CDYL: variants seen among roughly 807,000 people sequenced by gnomAD.
The protein encoded by CDYL is chromodomain Y like.
Under a neutral mutation model 47.3 loss-of-function variants are expected in CDYL, and 8 were observed. The ratio of observed to expected loss-of-function variants is 0.17; its 90% CI spans 0.10 to 0.31. The LOEUF is 0.31. CDYL is among the 10% of genes least tolerant of loss of function. The probability of loss-of-function intolerance (pLI) is 1.00; values close to 1 mark genes in which losing one functional copy is unlikely to be tolerated. For missense variants in CDYL, 471 were observed against 701.4 expected (o/e 0.67, Z 3.71); for synonymous variants, 266 against 265.0 (o/e 1.00, Z -0.04).
In CDYL at chr6:4,885,830, G is replaced by A. The variant is rs115394506; in HGVS notation, c.25-5883G>A. ...TGTTAGCATATACAGTTTTGTGTCC[G>A]TCACCACAGTTGAGTTTTGTACATT... On this transcript the variant is annotated intron_variant, in intron 1 of 6. Coordinates refer to ENST00000397588, the MANE Select transcript of CDYL (RefSeq NM_004824.4). Among the ~76,000 whole-genome samples, 1,291 of 152,070 alleles carry A rather than the reference G, an allele frequency of 8.5e-3. 21 individuals are homozygous for A. Among genetic ancestry groups the A allele is most frequent in the African/African-American group, 0.03 (1,236 of 41,468 alleles).
chr6:4,800,453 T>C (rs1234443215), intron 1 of CDYL, among the ~76,000 whole-genome samples: 1 of 152,176 alleles, frequency 6.6e-6, no homozygotes, highest in Non-Finnish European at 1.5e-5. Context: ...AGTGTTGTAT[T>C]TTTTGCTTTA....
chr6:4,873,197 G>T (rs2127474206), intron 1 of CDYL, among the ~76,000 whole-genome samples: 1 of 152,220 alleles, frequency 6.6e-6, no homozygotes, highest in South Asian at 2.1e-4. Flanking sequence ...CTAGCAATAG[G>T]ACTTGTCGGT....
At chr6:4,833,168 G>A (rs1369871792) in intron 1 of CDYL, among the ~76,000 whole-genome samples, 3 of 144,572 alleles carry the variant, frequency 2.1e-5, no homozygotes, top group Admixed American at 2.0e-4. Flanking sequence ...TGATGTTAGA[G>A]TGTCAATTTT....
At chr6:4,947,488 C>T (rs928691353) in intron 5 of CDYL, among the ~76,000 whole-genome samples, 1 of 152,154 alleles carries the variant, frequency 6.6e-6, no homozygotes, top group Non-Finnish European at 1.5e-5. Context: ...GCCTCTTGCT[C>T]CCGGCTGCCC....
intron 2 of CDYL, among the ~76,000 whole-genome samples, chr6:4,728,809 G>T (rs763737452): frequency 6.8e-4 from 104 of 152,116 alleles, no homozygotes; most frequent in Non-Finnish European, 1.4e-3. Flanking sequence ...TTGCCATATT[G>T]TGCCCACTCC....
chr6:4,818,643 ATAT>A (rs1759739559), intron 1 of CDYL, among the ~76,000 whole-genome samples: 1 of 152,138 alleles, frequency 6.6e-6, no homozygotes, highest in Non-Finnish European at 1.5e-5. Context: ...TTTCCTACTC[ATAT>A]TATGCTTATC....
chr6:4,836,287 A>G (rs1408057885), intron 1 of CDYL: 4 of 984,218 alleles, frequency 4.1e-6, no homozygotes, highest in Admixed American at 6.2e-5. Context: ...TAAAGAAGAA[A>G]AAAGTTGCAT....
chr6:4,767,352 A>G (rs552454333), intron 3 of CDYL, among the ~76,000 whole-genome samples: 1 of 152,266 alleles, frequency 6.6e-6, no homozygotes, highest in Admixed American at 6.5e-5. Context: ...AGGCAGGTGG[A>G]TCACGAGCTC....
At chr6:4,752,809 A>G (rs921321234) in intron 3 of CDYL, among the ~76,000 whole-genome samples, 1 of 149,338 alleles carries the variant, frequency 6.7e-6, no homozygotes, top group Non-Finnish European at 1.5e-5. Flanking sequence ...GCAATGGAAA[A>G]GTCTTTCATG....
intron 3 of CDYL, among the ~76,000 whole-genome samples, chr6:4,767,538 A>G (rs143761531): frequency 6.6e-6 from 1 of 151,070 alleles, no homozygotes; most frequent in East Asian, 2.0e-4. Context: ...GTGCCACTGC[A>G]CTCCAGCCTG....
At chr6:4,911,125 C>T (rs986087960) in intron 2 of CDYL, among the ~76,000 whole-genome samples, 4 of 152,030 alleles carry the variant, frequency 2.6e-5, no homozygotes, top group South Asian at 2.1e-4. Context: ...TGCGCCCAGC[C>T]GAAAAAGGAT....
At chr6:4,920,835 C>G (rs141988123) in intron 2 of CDYL, among the ~76,000 whole-genome samples, 144 of 152,334 alleles carry the variant, frequency 9.5e-4, no homozygotes, top group African/African-American at 3.3e-3. Context: ...AGACTGGTCT[C>G]AGACTCCTGA....
chr6:4,907,260 C>T (rs1757267220), intron 2 of CDYL, among the ~76,000 whole-genome samples: 1 of 152,210 alleles, frequency 6.6e-6, no homozygotes, highest in East Asian at 1.9e-4. Flanking sequence ...CACCCTGCTG[C>T]AGTTTTAGCC....
chr6:4,892,562 A>ATTT, intron 2 of CDYL, among the ~76,000 whole-genome samples, 183 bp downstream of exon 2: 1 of 152,310 alleles, frequency 6.6e-6, no homozygotes, highest in South Asian at 2.1e-4. Context: ...TAATTCGGCA[A>ATTT]CTAGTTTTTT....
chr6:4,861,602 C>G (rs776488092), intron 1 of CDYL, among the ~76,000 whole-genome samples: 1 of 152,188 alleles, frequency 6.6e-6, no homozygotes, highest in South Asian at 2.1e-4. Flanking sequence ...ATGTCTAAGG[C>G]TATGTTTTCA....
At chr6:4,717,776 G>GT (rs1333454840) in intron 2 of CDYL, among the ~76,000 whole-genome samples, 13 of 145,606 alleles carry the variant, frequency 8.9e-5, no homozygotes, top group Non-Finnish European at 1.7e-4. Flanking sequence ...GTTTTGTTAG[G>GT]TTTTTTTGGT....
In CDYL at chr6:4,937,506, T is replaced by A. The variant is rs201627282; in HGVS notation, c.949-59T>A. The A allele has an allele frequency of 3.1e-6, 4 of 1,306,056 alleles. No homozygotes were observed. In the East Asian group the frequency reaches 1.2e-4, roughly 38 times the overall value. The allele number at this position is 1,306,056 out of a possible 1,614,324, so 80.9% of individuals were successfully genotyped here. A position where few individuals can be genotyped will look rare whatever the true frequency, so the allele number is the denominator to read the frequency against. ...GTGAGACTCTCTCCAAAAAAAAAAA[T>A]GCTTTAAGATTTTAAACCCAAAATA... On this transcript the variant is annotated intron_variant, in intron 3 of 6. Transcript: ENST00000397588.
chr6:4,821,969 T>TA (rs1471427576), intron 1 of CDYL, among the ~76,000 whole-genome samples: 1 of 151,964 alleles, frequency 6.6e-6, no homozygotes, highest in Non-Finnish European at 1.5e-5. Flanking sequence ...TAAATCAGCT[T>TA]TTTATTTATT....
chr6:4,818,886 T>G, intron 1 of CDYL, among the ~76,000 whole-genome samples: 1 of 152,218 alleles, frequency 6.6e-6, no homozygotes, highest in East Asian at 1.9e-4. Context: ...AGTTACTTTT[T>G]CTTTTTCCAG....
Sources: gnomAD v4.1 joint callset for allele counts (sites outside exome capture counted in the v4.1 genomes callset) on GRCh38, gnomAD v4.1.1 for gene constraint, MANE v1.5 for transcripts, NCBI Gene and HGNC (gene_info 2026-07-23, HGNC 2026-07-21) for gene names.